Variants in SKAP2 observed in about 807,000 individuals in gnomAD.
SKAP2 encodes src kinase-associated phosphoprotein 2.
A neutral mutation model predicts 54.9 loss-of-function variants in SKAP2; 28 were observed. The observed-to-expected ratio is 0.51, with a 90% CI of 0.38 to 0.70. The LOEUF (loss-of-function observed/expected upper bound fraction) is 0.70, where lower values mean the gene tolerates loss of function less well. Ranked by LOEUF, SKAP2 falls within the 30% of genes least tolerant of loss-of-function variation. SKAP2 has a pLI of 0.00. For synonymous variants in SKAP2, 137 were observed against 134.3 expected (o/e 1.02, Z -0.14); for missense variants, 356 against 424.1 (o/e 0.84, Z 1.41).
At chr7:26,855,841 A>C (rs1307986740) in intron 1 of SKAP2, among the ~76,000 whole-genome samples, 2 of 143,764 alleles carry the variant, frequency 1.4e-5, no homozygotes, top group African/African-American at 5.0e-5. Context: ...AATATGGAGG[A>C]TATCATTAAA....
the SKAP2 span, among the ~76,000 whole-genome samples, chr7:26,661,550 T>C: frequency 5.3e-5 from 8 of 152,280 alleles, no homozygotes; most frequent in Non-Finnish European, 1.0e-4. Flanking sequence ...ATTTAGAAAC[T>C]TTATAGACAG....
intron 4 of SKAP2, among the ~76,000 whole-genome samples, chr7:26,761,998 T>C (rs1205775001): frequency 6.6e-6 from 1 of 152,140 alleles, no homozygotes; most frequent in East Asian, 1.9e-4. Flanking sequence ...GAAAAGTAAA[T>C]TTCAAAACTC....
intron 4 of SKAP2, among the ~76,000 whole-genome samples, chr7:26,837,766 G>C (rs2127994127): frequency 6.8e-6 from 1 of 146,584 alleles, no homozygotes; most frequent in East Asian, 2.5e-4. Context: ...ACCATACTTT[G>C]AGTAGGAAAG....
chr7:26,662,463 C>T (rs1036158390), downstream of SKAP2, among the ~76,000 whole-genome samples: 1 of 151,982 alleles, frequency 6.6e-6, no homozygotes, highest in African/African-American at 2.4e-5. Context: ...AGAACTGTAC[C>T]AAGGTAAGGT....
chr7:26,754,092 G>A (rs1208550703), intron 4 of SKAP2, among the ~76,000 whole-genome samples: 2 of 152,004 alleles, frequency 1.3e-5, no homozygotes, highest in Admixed American at 6.6e-5. Flanking sequence ...AGCCGGGCAC[G>A]GTGGCTCATG....
At chr7:26,707,293 G>A (rs1392324058) in intron 9 of SKAP2, among the ~76,000 whole-genome samples, 1 of 151,834 alleles carries the variant, frequency 6.6e-6, no homozygotes, top group African/African-American at 2.4e-5. Flanking sequence ...CCAGGAAGTC[G>A]ACGCTGCAGT....
chr7:26,836,610 G>C (rs1784718617), intron 4 of SKAP2, among the ~76,000 whole-genome samples: 1 of 152,206 alleles, frequency 6.6e-6, no homozygotes, highest in Non-Finnish European at 1.5e-5. Context: ...CTGGACATGA[G>C]AGAAATGAAA....
chr7:26,821,526 G>A (rs529399153), intron 4 of SKAP2, among the ~76,000 whole-genome samples: 12 of 152,182 alleles, frequency 7.9e-5, no homozygotes, highest in African/African-American at 2.7e-4. Context: ...ACTGTCTCTG[G>A]AAAGTCTTCT....
At chr7:26,790,227 T>C (rs1159339146) in intron 4 of SKAP2, among the ~76,000 whole-genome samples, 1 of 152,204 alleles carries the variant, frequency 6.6e-6, no homozygotes, top group African/African-American at 2.4e-5. Flanking sequence ...ACCTGCCTAT[T>C]ACCTGTTTCA....
intron 6 of SKAP2, among the ~76,000 whole-genome samples, chr7:26,730,394 T>C (rs1787798017): frequency 2.0e-5 from 3 of 152,202 alleles, no homozygotes; most frequent in Admixed American, 1.3e-4. Context: ...ACTTCACAAA[T>C]AGCAAAAGCT....
chr7:26,823,825 T>G (rs2127990946), intron 4 of SKAP2, among the ~76,000 whole-genome samples: 1 of 152,318 alleles, frequency 6.6e-6, no homozygotes, highest in African/African-American at 2.4e-5. Context: ...ATGACTGAAT[T>G]GTTGCAATCT....
At chr7:26,660,988 TAACA>T in the SKAP2 span, among the ~76,000 whole-genome samples, 1 of 152,128 alleles carries the variant, frequency 6.6e-6, no homozygotes, top group Non-Finnish European at 1.5e-5. Context: ...CGACTCTGCA[TAACA>T]AATATACTTA....
intron 9 of SKAP2, among the ~76,000 whole-genome samples, chr7:26,717,718 G>A (rs1787484757): frequency 6.6e-6 from 1 of 150,776 alleles, no homozygotes. Context: ...CTGTAATCCA[G>A]GTACTTGGGA....
intron 6 of SKAP2, among the ~76,000 whole-genome samples, chr7:26,727,568 CTA>C (rs1787735158): frequency 1.3e-5 from 2 of 151,978 alleles, no homozygotes; most frequent in African/African-American, 4.8e-5. Context: ...GAAAAAAAAA[CTA>C]TGTGGATAAA....
chr7:26,811,307 C>A (rs867620082), intron 4 of SKAP2, among the ~76,000 whole-genome samples: 1 of 152,168 alleles, frequency 6.6e-6, no homozygotes, highest in African/African-American at 2.4e-5. Context: ...ATCATGCATG[C>A]CACTGAAAAT....
intron 4 of SKAP2, among the ~76,000 whole-genome samples, chr7:26,763,750 T>TA: frequency 6.6e-6 from 1 of 152,136 alleles, no homozygotes; most frequent in Non-Finnish European, 1.5e-5. Context: ...GACACGTACT[T>TA]ACACAAACTT....
intron 9 of SKAP2, among the ~76,000 whole-genome samples, chr7:26,716,017 A>G (rs751462352): frequency 8.5e-5 from 13 of 152,232 alleles, no homozygotes; most frequent in Non-Finnish European, 1.8e-4. Context: ...CATAGTCTGT[A>G]TAACACAGAT....
At chr7:26,695,045 G>A (rs77000856) in intron 9 of SKAP2, among the ~76,000 whole-genome samples, 1,623 of 152,030 alleles carry the variant, frequency 0.011, 29 homozygotes, top group African/African-American at 0.038. Flanking sequence ...AAGAAAATTT[G>A]TTAACACCAA....
At chr7:26,850,591 A>C (rs1427517620) in intron 3 of SKAP2, among the ~76,000 whole-genome samples, 2 of 151,974 alleles carry the variant, frequency 1.3e-5, no homozygotes, top group South Asian at 4.1e-4. Flanking sequence ...ATCTCAAAAA[A>C]AAAAGAAAAA....
Sources: gnomAD v4.1 joint callset for allele counts (sites outside exome capture counted in the v4.1 genomes callset) on GRCh38, gnomAD v4.1.1 for gene constraint, MANE v1.5 for transcripts, NCBI Gene and HGNC (gene_info 2026-07-23, HGNC 2026-07-21) for gene names.